Variants in MRAP2 observed in about 807,000 individuals in gnomAD.
MRAP2 encodes melanocortin-2 receptor accessory protein 2.
A neutral mutation model predicts 17.4 loss-of-function variants in MRAP2; 20 were observed. That is an observed-to-expected ratio of 1.15 (90% CI 0.81 to 1.67). MRAP2 has a LOEUF of 1.67. Ranked by LOEUF, MRAP2 falls within the 40% of genes most tolerant of loss-of-function variation. MRAP2 has a pLI of 0.00. For missense variants in MRAP2, 238 were observed against 240.0 expected, an observed-to-expected ratio of 0.99 and a Z score of 0.05; for synonymous variants, 96 against 88.4, an observed-to-expected ratio of 1.09 and a Z score of -0.48.
chr6:84,050,095 A>C (rs1366125120), intron 1 of MRAP2, among the ~76,000 whole-genome samples: 1 of 152,170 alleles, frequency 6.6e-6, no homozygotes, highest in Non-Finnish European at 1.5e-5. Flanking sequence ...GAGGAGGAGA[A>C]GACTACAAAG....
chr6:84,081,565 T>C (rs925199837), intron 3 of MRAP2, among the ~76,000 whole-genome samples: 1 of 152,222 alleles, frequency 6.6e-6, no homozygotes, highest in Non-Finnish European at 1.5e-5. Flanking sequence ...ATGCCTATAA[T>C]CCCAGCAGTT....
rs183019426 is a variant in MRAP2, at chr6:84,041,540, G to A, written c.-8+7657G>A. Among the ~76,000 whole-genome samples, 471 of 150,422 alleles carry A rather than the reference G, an allele frequency of 3.1e-3. 2 individuals are homozygous for A. Among genetic ancestry groups the A allele is most frequent in the Middle Eastern group, 0.031 (9 of 292 alleles). ...GACACTCAATGCCAGCTGTGAAGGC[G>A]CCAGGAGGGGGCTGTACCCTACAAA... On this transcript the variant is annotated intron_variant, in intron 1 of 3. Coordinates refer to ENST00000257776, the MANE Select transcript of MRAP2 (RefSeq NM_138409.4).
the MRAP2 span, among the ~76,000 whole-genome samples, chr6:84,097,699 C>A: frequency 6.6e-5 from 10 of 152,088 alleles, no homozygotes; most frequent in Non-Finnish European, 1.3e-4. Flanking sequence ...CCTAAATAAT[C>A]TGTGGATTTG....
the MRAP2 span, among the ~76,000 whole-genome samples, chr6:84,145,975 A>G: frequency 6.6e-6 from 1 of 152,118 alleles, no homozygotes; most frequent in African/African-American, 2.4e-5. Context: ...TAGAGGCCTA[A>G]CTTTGATGAG....
At chr6:84,094,478 C>T (rs2099502326), downstream of MRAP2, among the ~76,000 whole-genome samples, 2 of 152,174 alleles carry the variant, frequency 1.3e-5, no homozygotes, top group South Asian at 4.1e-4. Context: ...GAAATCCTCT[C>T]AGCTAAATAT....
chr6:84,038,015 T>C (rs1223391910), intron 1 of MRAP2, among the ~76,000 whole-genome samples: 1 of 152,082 alleles, frequency 6.6e-6, no homozygotes, highest in Non-Finnish European at 1.5e-5. Flanking sequence ...TGAGGGTGAG[T>C]TGAGCTGTCC....
chr6:84,103,276 A>G, the MRAP2 span, among the ~76,000 whole-genome samples: 3 of 152,166 alleles, frequency 2.0e-5, no homozygotes, highest in Admixed American at 6.5e-5. Flanking sequence ...CCATGATGGT[A>G]GATAAAATCT....
chr6:84,036,561 A>G (rs1271755551), intron 1 of MRAP2, among the ~76,000 whole-genome samples: 1 of 152,012 alleles, frequency 6.6e-6, no homozygotes, highest in Non-Finnish European at 1.5e-5. Context: ...GCAGACCTTC[A>G]CGGTGAGTGT....
At chr6:84,145,908 C>T in the MRAP2 span, among the ~76,000 whole-genome samples, 3 of 152,090 alleles carry the variant, frequency 2.0e-5, no homozygotes, top group African/African-American at 7.2e-5. Flanking sequence ...CTACTCCTAC[C>T]ATTAACTTTT....
intron 3 of MRAP2, among the ~76,000 whole-genome samples, chr6:84,086,610 T>C (rs559693166): frequency 1.3e-5 from 2 of 152,336 alleles, no homozygotes; most frequent in South Asian, 4.1e-4. Flanking sequence ...AGTACAAAGA[T>C]GAACTTTTTG....
chr6:84,036,054 CTAT>C (rs1187399057), intron 1 of MRAP2, among the ~76,000 whole-genome samples: 3 of 150,824 alleles, frequency 2.0e-5, no homozygotes, highest in Non-Finnish European at 4.4e-5. Flanking sequence ...ATTTAAGGAA[CTAT>C]TATTATACCA....
At chr6:84,146,092 T>C in the MRAP2 span, among the ~76,000 whole-genome samples, 43 of 152,182 alleles carry the variant, frequency 2.8e-4, no homozygotes, top group African/African-American at 9.9e-4. Flanking sequence ...CTTAAATTTG[T>C]TCAGCTGCAC....
the MRAP2 span, among the ~76,000 whole-genome samples, chr6:84,131,319 T>G: frequency 6.6e-6 from 1 of 151,858 alleles, no homozygotes; most frequent in Non-Finnish European, 1.5e-5. Flanking sequence ...TGAGAAGAAT[T>G]CTGTTGATTT....
At chr6:84,116,915 C>T in the MRAP2 span, among the ~76,000 whole-genome samples, 6,593 of 152,182 alleles carry the variant, frequency 0.043, 466 homozygotes, top group African/African-American at 0.15. Context: ...ATTTTTGCAT[C>T]GATGTTCATC....
chr6:84,083,781 A>T (rs1260525113), intron 3 of MRAP2, among the ~76,000 whole-genome samples: 1 of 152,214 alleles, frequency 6.6e-6, no homozygotes, highest in Admixed American at 6.5e-5. Flanking sequence ...TATTAATCAG[A>T]TCTCTTTAAT....
the MRAP2 span, among the ~76,000 whole-genome samples, chr6:84,114,197 C>T: frequency 1.3e-5 from 2 of 152,102 alleles, no homozygotes; most frequent in Admixed American, 1.3e-4. Context: ...CCATTCTCCC[C>T]CTCACTTCAG....
At chr6:84,063,243 TG>T in intron 3 of MRAP2, 2 of 985,408 alleles carry the variant, frequency 2.0e-6, no homozygotes, top group Non-Finnish European at 2.4e-6. Flanking sequence ...ACAGTCTTAA[TG>T]ATGATGTGGG....
chr6:84,050,583 G>A (rs938947752), intron 1 of MRAP2, among the ~76,000 whole-genome samples: 12 of 152,322 alleles, frequency 7.9e-5, no homozygotes, highest in African/African-American at 2.9e-4. Context: ...AAAGTGCAGC[G>A]TGTCTGAGCT....
the MRAP2 span, among the ~76,000 whole-genome samples, chr6:84,146,265 T>C: frequency 6.6e-6 from 1 of 152,124 alleles, no homozygotes; most frequent in South Asian, 2.1e-4. Flanking sequence ...ATTAATAAAC[T>C]TGTTTTTCTC....
Sources: allele counts gnomAD v4.1 joint callset (sites outside exome capture counted in the v4.1 genomes callset), GRCh38; gene constraint gnomAD v4.1.1; transcripts MANE v1.5; gene names NCBI Gene and HGNC (gene_info 2026-07-23, HGNC 2026-07-21).